Variants in PIEZO2 observed in about 807,000 individuals in gnomAD.
PIEZO2 encodes the protein piezo-type mechanosensitive ion channel component 2.
In PIEZO2, 172 loss-of-function variants were observed where a neutral mutation model predicts 337.3. That is an observed-to-expected ratio of 0.51 (90% CI 0.45 to 0.58). The LOEUF is 0.58. Among genes scored for constraint, PIEZO2 ranks in the 20% least tolerant of loss-of-function variants. The pLI is 0.00. For missense variants in PIEZO2, 3,028 were observed against 3,391.3 expected (o/e 0.89, Z 2.66); for synonymous variants, 1,251 against 1,228.5 (o/e 1.02, Z -0.38).
Position 10,945,501 on chromosome 18 carries a change from C to T in PIEZO2, c.286+34034G>A, listed in dbSNP as rs1274460302. Among the ~76,000 whole-genome samples the T allele has an allele frequency of 1.3e-5, 2 of 152,142 alleles. No homozygotes were observed. Among genetic ancestry groups the T allele is most frequent in the Non-Finnish European group, 2.9e-5 (2 of 68,034 alleles). On this transcript the variant is annotated intron_variant, in intron 3 of 55. Transcript: ENST00000674853. The surrounding 1 kb of genome is among the most constrained non-coding windows in gnomAD (Gnocchi z 4.0). ...TTGAAATTGGTCTGGTCTTGCCTCA[C>T]AAATGTTTAAACAAAACACCCCCAA...
chr18:11,045,282 T>A (rs180699576), intron 2 of PIEZO2, among the ~76,000 whole-genome samples: 2,515 of 107,578 alleles, frequency 0.023, 32 homozygotes, highest in Middle Eastern at 0.13. Context: ...GGCGACAGAG[T>A]GAGACTCCGT....
At chr18:11,056,195 A>T (rs1236678794) in intron 2 of PIEZO2, among the ~76,000 whole-genome samples, 1 of 152,116 alleles carries the variant, frequency 6.6e-6, no homozygotes, top group African/African-American at 2.4e-5. Flanking sequence ...CCCTGTGCTG[A>T]GTGGTCATTG....
chr18:10,864,520 G>C lies in PIEZO2; in HGVS notation c.492+6733C>G, dbSNP rs531387746. ...TTTTTTAAAAAAGGACAAAAGTCTT[G>C]GCAAGCAAAGCAAGAAAACAAAAAA... On this transcript the variant is annotated intron_variant, in intron 5 of 55. Coordinates refer to ENST00000674853, the MANE Select transcript of PIEZO2 (RefSeq NM_001378183.1). Among the ~76,000 whole-genome samples, 18 of 152,262 alleles carry C rather than the reference G, an allele frequency of 1.2e-4. No homozygotes were observed. The South Asian group carries it at 3.5e-3, about 30-fold the overall frequency.
Position 10,815,398 on chromosome 18 carries a change from C to T in PIEZO2, c.918-8124G>A, listed in dbSNP as rs2040332329. ...TAACCACTTTAAGCCTCAATTTCCT[C>T]ATTTGGAAAATGAGGCTAGTAAATA... On this transcript the variant is annotated intron_variant, in intron 7 of 55. Coordinates refer to ENST00000674853, the MANE Select transcript of PIEZO2 (RefSeq NM_001378183.1). This position sits in a 1 kb window ranked among gnomAD's most constrained non-coding sequence, Gnocchi z 4.1. Among the ~76,000 whole-genome samples the T allele has an allele frequency of 6.6e-6, 1 of 152,162 alleles. No homozygotes were observed. Among genetic ancestry groups the T allele is most frequent in the Non-Finnish European group, 1.5e-5 (1 of 68,036 alleles).
chr18:10,715,453 A>G (rs569988791), intron 38 of PIEZO2, among the ~76,000 whole-genome samples, 197 bp downstream of exon 38: 2 of 152,326 alleles, frequency 1.3e-5, no homozygotes, highest in South Asian at 4.1e-4. Flanking sequence ...GTGTGTGTGT[A>G]GGTGCATGTG....
Position 10,726,469 on chromosome 18 carries a change from C to T in PIEZO2, c.5029+4938G>A, listed in dbSNP as rs2036545266. 1.3e-6 allele frequency: 2 copies of T among 1,526,030 alleles called. No individual in the cohort carries two copies. The highest frequency in any genetic ancestry group is 2.8e-5 in the African/African-American group (2 of 72,660). The allele number at this position is 1,526,030 out of a possible 1,614,324, so 94.5% of individuals were successfully genotyped here. A position where few individuals can be genotyped will look rare whatever the true frequency, so the allele number is the denominator to read the frequency against. ...CGGCCGGCGAACCCCACGAGGAGGG[C>T]CTGGCCACCCTGCACAGCGTGCTGC... On this transcript the variant is annotated intron_variant, in intron 36 of 55. Coordinates refer to ENST00000674853, the MANE Select transcript of PIEZO2 (RefSeq NM_001378183.1). This position sits in a 1 kb window ranked among gnomAD's most constrained non-coding sequence, Gnocchi z 5.9.
Position 10,943,462 on chromosome 18 carries a change from C to G in PIEZO2, c.287-32234G>C, listed in dbSNP as rs1279500172. ...TTCGGAGCTTTAAGATTTGACTGCC[C>G]TGCTGGATTTCAGACTTGCATGGGG... On this transcript the variant is annotated intron_variant, in intron 3 of 55. Coordinates refer to ENST00000674853, the MANE Select transcript of PIEZO2 (RefSeq NM_001378183.1). The surrounding 1 kb of genome is among the most constrained non-coding windows in gnomAD (Gnocchi z 4.5). 6.6e-6 allele frequency among the ~76,000 whole-genome samples: 1 copy of G among 152,190 alleles called. No individual in the cohort carries two copies. Among genetic ancestry groups the G allele is most frequent in the East Asian group, 1.9e-4 (1 of 5,192 alleles).
At position 10,979,686 on chromosome 18, in the gene PIEZO2, G is replaced by T. The variant is rs1389545904; in HGVS notation, c.161-26C>A. ...CTAAGGGATAAAAAGTGCAGAGATT[G>T]TGAGAGAGCTTAAGATGAAACACAC... On this transcript the variant is annotated intron_variant, in intron 2 of 55. Coordinates refer to ENST00000674853, the MANE Select transcript of PIEZO2 (RefSeq NM_001378183.1). This position sits in a 1 kb window ranked among gnomAD's most constrained non-coding sequence, Gnocchi z 4.0. 1.3e-6 allele frequency: 2 copies of T among 1,513,710 alleles called. No individual in the cohort carries two copies. The highest frequency in any genetic ancestry group is 1.8e-6 in the Non-Finnish European group (2 of 1,131,580). 93.8% of individuals were successfully genotyped at this position (1,513,710 alleles called of 1,614,324 possible). A position where few individuals can be genotyped will look rare whatever the true frequency, so the allele number is the denominator to read the frequency against.
At chr18:11,082,123 C>T (rs1403275274) in intron 1 of PIEZO2, among the ~76,000 whole-genome samples, 5 of 152,046 alleles carry the variant, frequency 3.3e-5, no homozygotes, top group Non-Finnish European at 7.4e-5. Context: ...GAAAACTAAA[C>T]TTTAACAGTT....
rs1017677748 is a variant in PIEZO2, at chr18:10,671,206, G to A, written c.*321C>T. The A allele has an allele frequency of 1.8e-5, 4 of 224,394 alleles. No homozygotes were observed. Among genetic ancestry groups the A allele is most frequent in the Non-Finnish European group, 3.5e-5 (4 of 113,526 alleles). 13.9% of individuals were successfully genotyped at this position (224,394 alleles called of 1,614,324 possible). ...GGAAAACACAGGCATCTTTCTTTCTGACTCCTCTTCTGTTTCTCTTAGGGA... is the reference window on the plus strand; with the variant it reads ...GGAAAACACAGGCATCTTTCTTTCTAACTCCTCTTCTGTTTCTCTTAGGGA... On this transcript the variant is annotated 3_prime_UTR_variant, in exon 56 of 56. Transcript: ENST00000674853.
At chr18:10,722,599 GA>G (rs879300996) in intron 36 of PIEZO2, among the ~76,000 whole-genome samples, 1 of 151,252 alleles carries the variant, frequency 6.6e-6, no homozygotes, top group Non-Finnish European at 1.5e-5. Flanking sequence ...TTTGACACAA[GA>G]AAAAAAATAA....
At chr18:10,684,835 T>G (rs1469595519) in intron 49 of PIEZO2, among the ~76,000 whole-genome samples, 3 of 152,180 alleles carry the variant, frequency 2.0e-5, no homozygotes, top group Admixed American at 2.0e-4. Context: ...TCCTAGGCCA[T>G]TCAACTCTTT....
chr18:10,702,087 G>T lies in PIEZO2; in HGVS notation c.6343C>A (p.His2115Asn), dbSNP rs1231195508. ...NVEVNKDKPY[H>N]PPNIIGVEKK... ...TCCACTCCTATGATGTTTGGGGGGT[G>T]ATACGGTTTATCTTTGTTCACCTCC... Residue 2115 changes from histidine (H) to asparagine (N), a missense_variant, in exon 43 of 56, where the codon CAC (histidine) becomes AAC (asparagine). Physicochemically the swap from His to Asn is moderately conservative, Grantham distance 68 (BLOSUM62 1). This residue lies in a region of PIEZO2 where 1,925 missense variants were observed against 2,051.9 expected (regional missense o/e 0.94). Transcript: ENST00000674853. 2 of 1,537,006 alleles carry T rather than the reference G, an allele frequency of 1.3e-6. No individual in the cohort carries two copies. Among genetic ancestry groups the T allele is most frequent in the Non-Finnish European group, 1.7e-6 (2 of 1,146,826 alleles).
intron 3 of PIEZO2, among the ~76,000 whole-genome samples, chr18:10,959,911 A>G (rs2033693590): frequency 6.6e-6 from 1 of 152,202 alleles, no homozygotes; most frequent in Non-Finnish European, 1.5e-5. Flanking sequence ...AGAAATAGAG[A>G]CAGCTCTTAT....
intron 1 of PIEZO2, among the ~76,000 whole-genome samples, chr18:11,114,901 C>A (rs1212866840): frequency 1.3e-5 from 2 of 152,126 alleles, no homozygotes; most frequent in Non-Finnish European, 2.9e-5. Flanking sequence ...GCTCTTAAAT[C>A]AGATAACTAA....
intron 2 of PIEZO2, among the ~76,000 whole-genome samples, chr18:11,030,152 C>T (rs1331466690): frequency 1.3e-5 from 2 of 152,152 alleles, no homozygotes; most frequent in Non-Finnish European, 1.5e-5. Context: ...AAGCCAACCC[C>T]TTATAGTGCT....
chr18:10,796,748 C>T (rs1275364813), intron 12 of PIEZO2, among the ~76,000 whole-genome samples: 1 of 152,198 alleles, frequency 6.6e-6, no homozygotes, highest in Non-Finnish European at 1.5e-5. Flanking sequence ...CACTTAGAGC[C>T]AGTGGGACTG....
intron 5 of PIEZO2, among the ~76,000 whole-genome samples, chr18:10,860,168 A>G (rs2041836295): frequency 1.3e-5 from 2 of 152,030 alleles, no homozygotes; most frequent in South Asian, 4.1e-4. Context: ...GCTGGAGCTG[A>G]AGAGGGCTTT....
intron 36 of PIEZO2, among the ~76,000 whole-genome samples, chr18:10,722,462 T>A (rs934227128): frequency 1.3e-5 from 2 of 150,950 alleles, no homozygotes; most frequent in African/African-American, 5.0e-5. Flanking sequence ...GAACTCCTGA[T>A]CTCGTAATCT....
Sources: gnomAD v4.1 joint callset for allele counts (sites outside exome capture counted in the v4.1 genomes callset) on GRCh38, gnomAD v4.1.1 for gene constraint, gnomAD v4.1.1 regional missense constraint, Gnocchi (gnomAD v3.1) non-coding constraint, MANE v1.5 for transcripts, NCBI Gene and HGNC (gene_info 2026-07-23, HGNC 2026-07-21) for gene names.